Variants in WDR72 observed in about 807,000 individuals in gnomAD.
The protein encoded by WDR72 is WD repeat domain 72, also known as WD repeat-containing protein 72.
Under a neutral mutation model 124.2 loss-of-function variants are expected in WDR72, and 120 were observed. That is an observed-to-expected ratio of 0.97 (90% CI 0.83 to 1.12). The LOEUF is 1.12. Among genes scored for constraint, WDR72 ranks in the 50% most tolerant of loss-of-function variants. The pLI, the probability that WDR72 is intolerant of heterozygous loss-of-function variation, is 0.00. For synonymous variants in WDR72, 452 were observed against 441.7 expected (o/e 1.02, Z -0.29); for missense variants, 1,387 against 1,278.8 (o/e 1.08, Z -1.29).
intron 18 of WDR72, among the ~76,000 whole-genome samples, chr15:53,543,482 C>G (rs372484728): frequency 6.6e-6 from 1 of 151,336 alleles, no homozygotes; most frequent in Non-Finnish European, 1.5e-5. Context: ...ATCTCTGGGA[C>G]GCATTCAAAG....
At chr15:53,556,915 T>C (rs1208469748) in intron 18 of WDR72, among the ~76,000 whole-genome samples, 7 of 152,100 alleles carry the variant, frequency 4.6e-5, no homozygotes, top group Non-Finnish European at 8.8e-5. Flanking sequence ...TGTATACATA[T>C]AGTACACATA....
chr15:53,553,193 T>G (rs1361247228), intron 18 of WDR72, among the ~76,000 whole-genome samples: 1 of 152,162 alleles, frequency 6.6e-6, no homozygotes, highest in South Asian at 2.1e-4. Context: ...GGCTTCATCA[T>G]TAAAAAATTC....
Position 53,569,290 on chromosome 15 carries a change from A to T in WDR72, c.3148+27789T>A, listed in dbSNP as rs373141207. 2.2e-3 allele frequency among the ~76,000 whole-genome samples: 338 copies of T among 152,090 alleles called. 1 individual carries two copies. In the South Asian group the frequency reaches 0.025, roughly 11 times the overall value. ...GGGACACACTATTTCATTTTATCCT[A>T]GGTCTCCACCCATCACAGGTAATAT... On this transcript the variant is annotated intron_variant, in intron 18 of 19. Coordinates refer to ENST00000360509, the MANE Select transcript of WDR72 (RefSeq NM_182758.4).
intron 3 of WDR72, among the ~76,000 whole-genome samples, chr15:53,720,135 A>AT (rs1024885725): frequency 6.6e-6 from 1 of 151,940 alleles, no homozygotes; most frequent in African/African-American, 2.4e-5. Context: ...TGAATTAAAC[A>AT]TTTTTTTAAT....
intron 3 of WDR72, among the ~76,000 whole-genome samples, chr15:53,718,969 A>G (rs1033064320): frequency 6.6e-6 from 1 of 152,028 alleles, no homozygotes; most frequent in African/African-American, 2.4e-5. Context: ...TGAAAAGGGG[A>G]ATTTTTTGGT....
chr15:53,690,189 A>T (rs2140501506), intron 13 of WDR72, among the ~76,000 whole-genome samples: 1 of 152,194 alleles, frequency 6.6e-6, no homozygotes, highest in Non-Finnish European at 1.5e-5. Context: ...CACAATGTGC[A>T]CATGTACCCT....
chr15:53,656,275 G>A (rs117310299), intron 14 of WDR72, among the ~76,000 whole-genome samples: 8 of 152,080 alleles, frequency 5.3e-5, no homozygotes, highest in Admixed American at 6.6e-5. Flanking sequence ...ATAAATAAAC[G>A]TCATTTGGAG....
intron 18 of WDR72, among the ~76,000 whole-genome samples, chr15:53,562,098 G>GCAAT (rs1894143881): frequency 6.6e-6 from 1 of 151,700 alleles, no homozygotes; most frequent in Non-Finnish European, 1.5e-5. Context: ...AATGCTCAAA[G>GCAAT]CAATGTCAGT....
chr15:53,646,299 C>T (rs534887107), intron 14 of WDR72, among the ~76,000 whole-genome samples: 27 of 152,110 alleles, frequency 1.8e-4, no homozygotes, highest in African/African-American at 6.0e-4. Context: ...TTTTATATCT[C>T]GTGCTTATAA....
At chr15:53,738,764 G>A (rs2018428099) in intron 1 of WDR72, among the ~76,000 whole-genome samples, 1 of 152,048 alleles carries the variant, frequency 6.6e-6, no homozygotes, top group East Asian at 1.9e-4. Context: ...CCACCACCAT[G>A]CCTAGCTAAT....
At chr15:53,697,921 G>C (rs574608541) in intron 13 of WDR72, among the ~76,000 whole-genome samples, 142 of 152,192 alleles carry the variant, frequency 9.3e-4, no homozygotes, top group African/African-American at 3.3e-3. Flanking sequence ...CCATTCTCCT[G>C]CCTCAGCCTC....
intron 14 of WDR72, among the ~76,000 whole-genome samples, chr15:53,618,694 G>A (rs1289233934): frequency 6.6e-6 from 1 of 151,964 alleles, no homozygotes; most frequent in Non-Finnish European, 1.5e-5. Context: ...TGTTTGATGA[G>A]ATCCTTTTGG....
intron 14 of WDR72, among the ~76,000 whole-genome samples, chr15:53,629,147 C>G (rs73408277): frequency 1.3e-5 from 2 of 151,536 alleles, no homozygotes; most frequent in African/African-American, 2.4e-5. Context: ...TATGCAGACA[C>G]CTACCTAAAA....
intron 13 of WDR72, among the ~76,000 whole-genome samples, chr15:53,693,310 A>G (rs2016900263): frequency 6.6e-6 from 1 of 152,220 alleles, no homozygotes; most frequent in Non-Finnish European, 1.5e-5. Flanking sequence ...GTAAACTTGT[A>G]TAATATTTTG....
intron 18 of WDR72, among the ~76,000 whole-genome samples, chr15:53,582,803 A>G (rs2012001069): frequency 6.6e-6 from 1 of 151,986 alleles, no homozygotes; most frequent in Non-Finnish European, 1.5e-5. Context: ...AACATCGTAC[A>G]TTCATCAAAC....
At chr15:53,705,803 TACGTAGTA>T in intron 10 of WDR72, 116 bp downstream of exon 10, 1 of 1,099,826 alleles carries the variant, frequency 9.1e-7, no homozygotes, top group Non-Finnish European at 1.4e-6. Context: ...TGTCATTTAA[TACGTAGTA>T]GTACACAATA....
intron 18 of WDR72, among the ~76,000 whole-genome samples, chr15:53,544,751 A>G (rs1247963748): frequency 6.7e-6 from 1 of 149,968 alleles, no homozygotes; most frequent in Non-Finnish European, 1.5e-5. Flanking sequence ...ATGACTGTAT[A>G]TCTAGAAAAC....
intron 18 of WDR72, among the ~76,000 whole-genome samples, chr15:53,527,879 T>A (rs1348594376): frequency 6.6e-6 from 1 of 152,078 alleles, no homozygotes; most frequent in African/African-American, 2.4e-5. Flanking sequence ...ACTAGCTCAA[T>A]ATGGTAGCCA....
intron 14 of WDR72, among the ~76,000 whole-genome samples, chr15:53,637,514 A>G (rs2014669315): frequency 6.6e-6 from 1 of 152,194 alleles, no homozygotes; most frequent in Non-Finnish European, 1.5e-5. Context: ...TGTAGAATTA[A>G]GTTCAAATTC....
Sources: gnomAD v4.1 joint callset for allele counts (sites outside exome capture counted in the v4.1 genomes callset) on GRCh38, gnomAD v4.1.1 for gene constraint, MANE v1.5 for transcripts, NCBI Gene and HGNC (gene_info 2026-07-23, HGNC 2026-07-21) for gene names.